NTM: variants seen among roughly 807,000 people sequenced by gnomAD.
NTM encodes neurotrimin.
In NTM, 13 loss-of-function variants were observed where a neutral mutation model predicts 42.1. That is an observed-to-expected ratio of 0.31 (90% confidence interval 0.20 to 0.49). The LOEUF is 0.49. Among genes scored for constraint, NTM ranks in the 20% least tolerant of loss-of-function variants. The pLI is 0.99. For missense variants in NTM, 373 were observed against 452.8 expected, an observed-to-expected ratio of 0.82 and a Z score of 1.60; for synonymous variants, 187 against 179.2, an observed-to-expected ratio of 1.04 and a Z score of -0.35.
At position 131,589,167 on chromosome 11, in the gene NTM, A is replaced by ATGTGTGTGTGTGTGTGTGTGTG. The variant is rs58237274; in HGVS notation, c.82+218293_82+218314dup. Among the ~76,000 whole-genome samples the ATGTGTGTGTGTGTGTGTGTGTG allele has an allele frequency of 2.2e-3, 310 of 143,582 alleles. 5 individuals are homozygous for ATGTGTGTGTGTGTGTGTGTGTG. Among genetic ancestry groups the ATGTGTGTGTGTGTGTGTGTGTG allele is most frequent in the African/African-American group, 7.3e-3 (281 of 38,266 alleles). The allele number at this position is 143,582 out of a possible 152,430, so 94.2% of individuals were successfully genotyped here. A position where few individuals can be genotyped will look rare whatever the true frequency, so the allele number is the denominator to read the frequency against. ...ACCATGCCACTCTTAACCTGGAAAA[A>ATGTGTGTGTGTGTGTGTGTGTG]TGTGTGTGTGTGTGTGTGTGTGTGT... On this transcript the variant is annotated intron_variant, in intron 1 of 8. Transcript: ENST00000683400.
At chr11:132,254,481 C>T (rs991704692) in intron 4 of NTM, among the ~76,000 whole-genome samples, 49 of 152,052 alleles carry the variant, frequency 3.2e-4, no homozygotes, top group African/African-American at 1.2e-3. Context: ...CACCTCTCCT[C>T]AGCTGCTCAG....
At chr11:132,070,621 C>G (rs1307055539) in intron 2 of NTM, among the ~76,000 whole-genome samples, 1 of 131,002 alleles carries the variant, frequency 7.6e-6, no homozygotes, top group African/African-American at 2.9e-5. Context: ...TAACACATCA[C>G]ACAGCCAAAA....
intron 4 of NTM, among the ~76,000 whole-genome samples, chr11:132,296,645 T>A (rs2094621790): frequency 6.6e-6 from 1 of 152,214 alleles, no homozygotes; most frequent in Non-Finnish European, 1.5e-5. Context: ...ATACATTGCA[T>A]TCTACCCAAG....
intron 1 of NTM, chr11:131,794,495 T>C (rs990499781): frequency 4.0e-5 from 39 of 982,972 alleles, no homozygotes; most frequent in Non-Finnish European, 4.7e-5. Context: ...ACTTTGTTCC[T>C]TGGGAGTCAG....
chr11:131,649,372 G>T (rs141406640), intron 1 of NTM, among the ~76,000 whole-genome samples: 15 of 152,118 alleles, frequency 9.9e-5, no homozygotes, highest in Non-Finnish European at 1.8e-4. Flanking sequence ...TATCGGGGAG[G>T]GAGTATGGGA....
chr11:132,060,856 A>G (rs2080547447), intron 2 of NTM, among the ~76,000 whole-genome samples: 1 of 152,204 alleles, frequency 6.6e-6, no homozygotes, highest in Non-Finnish European at 1.5e-5. Flanking sequence ...TAGTGGTCAT[A>G]ACTGCAAATG....
Position 131,940,149 on chromosome 11 carries a change from G to A in NTM, c.167+28501G>A, listed in dbSNP as rs114264448. 3.7e-3 allele frequency among the ~76,000 whole-genome samples: 566 copies of A among 152,328 alleles called. 4 individuals carry two copies. The highest frequency in any genetic ancestry group is 0.013 in the African/African-American group (545 of 41,572). ...CCCAGTATGGGATGACGATTCTGCA[G>A]AGATCTGGCTTGTCTTTACATTACA... On this transcript the variant is annotated intron_variant, in intron 2 of 8. Coordinates refer to ENST00000683400, the MANE Select transcript of NTM (RefSeq NM_001352005.2).
intron 2 of NTM, among the ~76,000 whole-genome samples, chr11:131,976,127 C>CCTTCCTTT (rs2064321499): frequency 7.3e-6 from 1 of 137,438 alleles, no homozygotes; most frequent in South Asian, 2.9e-4. Flanking sequence ...TTCCTTCCTT[C>CCTTCCTTT]CTTCCTTCCT....
chr11:132,062,930 G>A (rs1205191207), intron 2 of NTM, among the ~76,000 whole-genome samples: 13 of 152,130 alleles, frequency 8.5e-5, no homozygotes, highest in Admixed American at 7.2e-4. Flanking sequence ...TGGGGCTTTC[G>A]AAAGGAAAGC....
At chr11:132,105,557 A>G (rs909877081) in intron 2 of NTM, among the ~76,000 whole-genome samples, 2 of 152,108 alleles carry the variant, frequency 1.3e-5, no homozygotes, top group African/African-American at 4.8e-5. Flanking sequence ...AGGAATGGAG[A>G]AAACAGTGGG....
At chr11:131,981,694 C>A (rs568394539) in intron 2 of NTM, among the ~76,000 whole-genome samples, 4 of 152,244 alleles carry the variant, frequency 2.6e-5, no homozygotes, top group East Asian at 1.9e-4. Context: ...GATAACCTTG[C>A]ATGTGCTCTT....
chr11:131,506,384 C>G (rs576566903), intron 1 of NTM, among the ~76,000 whole-genome samples: 1 of 152,146 alleles, frequency 6.6e-6, no homozygotes, highest in Admixed American at 6.5e-5. Context: ...TCTGAAGGGT[C>G]GGGGTTATTT....
intron 1 of NTM, among the ~76,000 whole-genome samples, chr11:131,462,500 G>T (rs370836590): frequency 1.4e-4 from 21 of 152,216 alleles, no homozygotes; most frequent in South Asian, 6.2e-4. Flanking sequence ...AAGAAGGAAG[G>T]ATGCAAATGG....
At chr11:131,946,437 T>C (rs981156565) in intron 2 of NTM, among the ~76,000 whole-genome samples, 3 of 151,966 alleles carry the variant, frequency 2.0e-5, no homozygotes, top group African/African-American at 7.3e-5. Context: ...TCTTTGCCGC[T>C]CTCAAAATAA....
chr11:132,131,138 C>A (rs1275112056), intron 2 of NTM, among the ~76,000 whole-genome samples: 1 of 152,194 alleles, frequency 6.6e-6, no homozygotes. Context: ...TTGTGGAGCA[C>A]AAAATGTTGC....
chr11:132,184,021 C>T (rs933263926), intron 3 of NTM, among the ~76,000 whole-genome samples: 4 of 152,052 alleles, frequency 2.6e-5, no homozygotes, highest in Admixed American at 1.3e-4. Flanking sequence ...AGTGTTAAAG[C>T]TTCTCTATGG....
chr11:131,570,047 T>C (rs149782273), intron 1 of NTM, among the ~76,000 whole-genome samples: 1 of 152,364 alleles, frequency 6.6e-6, no homozygotes, highest in East Asian at 1.9e-4. Flanking sequence ...TTTCTTTTAA[T>C]TTCTGCATTC....
chr11:131,795,676 C>A (rs368291454), intron 1 of NTM: 3 of 985,220 alleles, frequency 3.0e-6, no homozygotes, highest in Non-Finnish European at 3.6e-6. Context: ...AAGTTCAGGG[C>A]GAACAGCAGA....
At chr11:132,092,330 T>C (rs1354299429) in intron 2 of NTM, among the ~76,000 whole-genome samples, 1 of 152,194 alleles carries the variant, frequency 6.6e-6, no homozygotes, top group Non-Finnish European at 1.5e-5. Context: ...TCAGAGTGCC[T>C]GGCCTCTGTC....
Sources: allele counts gnomAD v4.1 joint callset (sites outside exome capture counted in the v4.1 genomes callset), GRCh38; gene constraint gnomAD v4.1.1; transcripts MANE v1.5; gene names NCBI Gene and HGNC (gene_info 2026-07-23, HGNC 2026-07-21).